Variants in PHF21A observed in about 807,000 individuals in gnomAD.
PHF21A encodes PHD finger protein 21A.
A neutral mutation model predicts 82.5 loss-of-function variants in PHF21A; 11 were observed. That is an observed-to-expected ratio of 0.13 (90% CI 0.08 to 0.22). PHF21A has a LOEUF of 0.22. Among genes scored for constraint, PHF21A ranks in the 10% least tolerant of loss-of-function variants. The pLI is 1.00. For missense variants in PHF21A, 579 were observed against 837.8 expected (o/e 0.69, Z 3.81); for synonymous variants, 297 against 302.8 (o/e 0.98, Z 0.20).
chr11:46,079,930 C>T (rs975994736), intron 4 of PHF21A, among the ~76,000 whole-genome samples: 6 of 152,018 alleles, frequency 3.9e-5, no homozygotes, highest in African/African-American at 1.2e-4. Flanking sequence ...GTCTTTTGAC[C>T]TAACCCAACT....
At chr11:46,008,539 GA>G (rs2095347206) in intron 6 of PHF21A, among the ~76,000 whole-genome samples, 2 of 152,264 alleles carry the variant, frequency 1.3e-5, no homozygotes, top group Non-Finnish European at 2.9e-5. Flanking sequence ...GACGGGAAAA[GA>G]GTCTGCTTTG....
intron 6 of PHF21A, among the ~76,000 whole-genome samples, chr11:46,007,152 A>G (rs1266121433): frequency 2.0e-5 from 3 of 152,200 alleles, no homozygotes; most frequent in Non-Finnish European, 4.4e-5. Flanking sequence ...TATCAACACT[A>G]GCTCACTGCA....
chr11:45,984,059 T>C (rs188640768), intron 6 of PHF21A, among the ~76,000 whole-genome samples: 2 of 152,270 alleles, frequency 1.3e-5, no homozygotes, highest in East Asian at 1.9e-4. Context: ...TAGCTAACTA[T>C]ATTGGAACAT....
chr11:46,060,297 C>T (rs958022056), intron 6 of PHF21A, among the ~76,000 whole-genome samples: 7 of 152,176 alleles, frequency 4.6e-5, no homozygotes, highest in Admixed American at 1.3e-4. Context: ...TACACCCCAA[C>T]CATGAATTAC....
chr11:46,041,606 G>A (rs547888945), intron 6 of PHF21A, among the ~76,000 whole-genome samples: 2 of 152,192 alleles, frequency 1.3e-5, no homozygotes, highest in Admixed American at 1.3e-4. Flanking sequence ...AAAGGTACAG[G>A]TCCTACCCAA....
chr11:45,961,490 A>C (rs528931546), intron 10 of PHF21A, among the ~76,000 whole-genome samples: 7 of 152,326 alleles, frequency 4.6e-5, no homozygotes, highest in Admixed American at 3.9e-4. Flanking sequence ...AGAAATTTGA[A>C]GATAATGCAT....
rs1397948844 is a variant in PHF21A, at chr11:46,014,853, G to A, written c.154-34887C>T. Among the ~76,000 whole-genome samples, 11 of 97,514 alleles carry A rather than the reference G, an allele frequency of 1.1e-4. 4 individuals are homozygous for A. The highest frequency in any genetic ancestry group is 1.3e-3 in the East Asian group (2 of 1,520). The allele number at this position is 97,514 out of a possible 152,430, so 64.0% of individuals were successfully genotyped here. A position where few individuals can be genotyped will look rare whatever the true frequency, so the allele number is the denominator to read the frequency against. On this transcript the variant is annotated intron_variant, in intron 6 of 18. Transcript: ENST00000676320. ...AAATTAGCTGGGCGTAGTGGCGGGC[G>A]CCTGTAGTCCCAGCTACTCGGGAGG...
intron 6 of PHF21A, among the ~76,000 whole-genome samples, chr11:46,070,212 A>C (rs2134685975): frequency 6.6e-6 from 1 of 152,354 alleles, no homozygotes; most frequent in Admixed American, 6.5e-5. Flanking sequence ...AGAATCTTGT[A>C]TTAAAATATA....
At chr11:46,074,452 T>C (rs2096699089) in intron 6 of PHF21A, among the ~76,000 whole-genome samples, 2 of 130,950 alleles carry the variant, frequency 1.5e-5, no homozygotes, top group Non-Finnish European at 3.6e-5. Flanking sequence ...TAAGTGGCTC[T>C]TTTGGCGGGA....
chr11:45,979,648 T>C, intron 7 of PHF21A, 112 bp downstream of exon 7: 1 of 1,465,052 alleles, frequency 6.8e-7, no homozygotes, highest in Middle Eastern at 2.5e-4. Flanking sequence ...AAAATAACTT[T>C]TGTTTAGTTC....
At chr11:46,084,359 T>C (rs2096830168) in intron 3 of PHF21A, 57 bp from the exon 4 acceptor site, 1 of 560,930 alleles carries the variant, frequency 1.8e-6, no homozygotes, top group Non-Finnish European at 3.0e-6. Context: ...ATAATATTTA[T>C]GTTAAATAAA....
chr11:46,020,988 G>T (rs754665435), intron 6 of PHF21A, among the ~76,000 whole-genome samples: 2 of 151,910 alleles, frequency 1.3e-5, no homozygotes, highest in Admixed American at 1.3e-4. Context: ...ATGTATGATG[G>T]GTTTATTGGA....
Position 45,933,717 on chromosome 11 carries a change from G to C in PHF21A, c.*251C>G. ...GTAAATATATTATTTCACTTGGCATGGTGCTGGCAAAGAACCTCCAGCTGG... is the reference window on the plus strand; with the variant it reads ...GTAAATATATTATTTCACTTGGCATCGTGCTGGCAAAGAACCTCCAGCTGG... On this transcript the variant is annotated 3_prime_UTR_variant, in exon 19 of 19. Coordinates refer to ENST00000676320, the MANE Select transcript of PHF21A (RefSeq NM_001352027.3). The C allele has an allele frequency of 2.5e-6, 1 of 392,318 alleles. No homozygotes were observed. The allele number at this position is 392,318 out of a possible 1,614,324, so 24.3% of individuals were successfully genotyped here. A position where few individuals can be genotyped will look rare whatever the true frequency, so the allele number is the denominator to read the frequency against.
intron 11 of PHF21A, 59 bp from the exon 12 acceptor site, chr11:45,950,316 G>A: frequency 1.4e-6 from 2 of 1,474,060 alleles, no homozygotes; most frequent in Non-Finnish European, 1.9e-6. Context: ...AAAGCCAATT[G>A]CCAGTTCCTA....
chr11:45,998,839 T>TTTTTG (rs2095011893), intron 6 of PHF21A, among the ~76,000 whole-genome samples: 1 of 150,694 alleles, frequency 6.6e-6, no homozygotes, highest in Non-Finnish European at 1.5e-5. Context: ...TTTTGTTTTT[T>TTTTTG]TTTGAGACAG....
At chr11:45,965,683 C>T in intron 9 of PHF21A, 75 bp from the exon 10 acceptor site, 4 of 1,126,496 alleles carry the variant, frequency 3.6e-6, no homozygotes, top group South Asian at 1.6e-5. Flanking sequence ...CTTCCACACT[C>T]TATGTATGAA....
chr11:46,036,488 T>G lies in PHF21A; in HGVS notation c.153+40266A>C, dbSNP rs1565660657. Among the ~76,000 whole-genome samples the G allele has an allele frequency of 2.0e-5, 3 of 152,328 alleles. No homozygotes were observed. In the South Asian group the frequency reaches 6.2e-4, roughly 32 times the overall value. On this transcript the variant is annotated intron_variant, in intron 6 of 18. Transcript: ENST00000676320. ...AATTTTGAAGAGAATTATAGTAAAT[T>G]TATAGATTTCAGGATAATTGACTTC...
chr11:46,036,081 AAAG>A (rs2095996595), intron 6 of PHF21A, among the ~76,000 whole-genome samples: 1 of 152,238 alleles, frequency 6.6e-6, no homozygotes, highest in African/African-American at 2.4e-5. Context: ...GTGCTTATGG[AAAG>A]AAGATAGATT....
In PHF21A at chr11:45,998,962, G is replaced by T. The variant is rs540967882; in HGVS notation, c.154-18996C>A. ...CTCAGCCTCCCTCCCGAATAGCTGGGATTACAGGCACCTGCCACCACGCCT... is the reference window on the plus strand; with the variant it reads ...CTCAGCCTCCCTCCCGAATAGCTGGTATTACAGGCACCTGCCACCACGCCT... On this transcript the variant is annotated intron_variant, in intron 6 of 18. Coordinates refer to ENST00000676320, the MANE Select transcript of PHF21A (RefSeq NM_001352027.3). Among the ~76,000 whole-genome samples the T allele has an allele frequency of 5.9e-5, 9 of 152,070 alleles. 1 individual carries two copies. In the East Asian group the frequency reaches 1.7e-3, roughly 29 times the overall value.
Sources: gnomAD v4.1 joint callset for allele counts (sites outside exome capture counted in the v4.1 genomes callset) on GRCh38, gnomAD v4.1.1 for gene constraint, MANE v1.5 for transcripts, NCBI Gene and HGNC (gene_info 2026-07-23, HGNC 2026-07-21) for gene names.